The following SLC9A2 variants were observed in gnomAD, a reference collection of about 807,000 sequenced individuals.
SLC9A2 encodes the protein solute carrier family 9 member A2.
In SLC9A2, 42 loss-of-function variants were observed where a neutral mutation model predicts 71.7. The observed-to-expected ratio is 0.59, with a 90% CI of 0.46 to 0.76. The LOEUF (loss-of-function observed/expected upper bound fraction) is 0.76. Ranked by LOEUF, SLC9A2 falls within the 30% of genes least tolerant of loss-of-function variation. SLC9A2 has a pLI of 0.00. For missense variants in SLC9A2, 829 were observed against 1,017.4 expected (o/e 0.81, Z 2.52); for synonymous variants, 396 against 392.5 (o/e 1.01, Z -0.10).
chr2:102,670,444 G>T (rs950456452), intron 3 of SLC9A2, among the ~76,000 whole-genome samples: 2 of 151,914 alleles, frequency 1.3e-5, no homozygotes, highest in East Asian at 3.8e-4. Flanking sequence ...AAAGAAAGTA[G>T]AAAATGGTGA....
intron 2 of SLC9A2, among the ~76,000 whole-genome samples, chr2:102,660,391 C>T (rs1677026588): frequency 6.6e-6 from 1 of 152,168 alleles, no homozygotes; most frequent in Non-Finnish European, 1.5e-5. Context: ...ACTTACTTGC[C>T]CTGGCTGAGA....
At chr2:102,670,599 C>CAA (rs66543071) in intron 3 of SLC9A2, among the ~76,000 whole-genome samples, 179 of 79,852 alleles carry the variant, frequency 2.2e-3, no homozygotes, top group African/African-American at 4.9e-3. Context: ...CTCCCCCCAC[C>CAA]AAAAAAAAAA....
At chr2:102,700,250 G>T (rs1272450562) in intron 7 of SLC9A2, among the ~76,000 whole-genome samples, 1 of 152,176 alleles carries the variant, frequency 6.6e-6, no homozygotes. Context: ...TCATATCTGG[G>T]GTTTGGCCGA....
Position 102,665,351 on chromosome 2 carries a change from G to T in SLC9A2, c.1004+1G>T. ...TGTTTCACCTCTCAGGCATCATGGC[G>T]TAAGTACTTCTTTGTTAAAAGTGCT... On this transcript the variant is annotated splice_donor_variant, in intron 3 of 11. Coordinates refer to ENST00000233969, the MANE Select transcript of SLC9A2 (RefSeq NM_003048.6). LOFTEE classifies it high-confidence loss of function. 1 of 1,608,518 alleles carries T rather than the reference G, an allele frequency of 6.2e-7. No individual in the cohort carries two copies. Among genetic ancestry groups the T allele is most frequent in the Non-Finnish European group, 8.5e-7 (1 of 1,175,688 alleles).
At chr2:102,641,102 G>A (rs1460187501) in intron 1 of SLC9A2, among the ~76,000 whole-genome samples, 1 of 152,104 alleles carries the variant, frequency 6.6e-6, no homozygotes, top group Non-Finnish European at 1.5e-5. Flanking sequence ...TAATAGGAGC[G>A]TCACAGTGAA....
At chr2:102,657,443 A>G in intron 1 of SLC9A2, 121 bp from the exon 2 acceptor site, 1 of 645,860 alleles carries the variant, frequency 1.5e-6, no homozygotes, top group South Asian at 2.0e-5. Context: ...TTGTAAAGAC[A>G]GTGATACTGA....
At chr2:102,705,140 A>T (rs1414526652) in intron 10 of SLC9A2, among the ~76,000 whole-genome samples, 7 of 152,056 alleles carry the variant, frequency 4.6e-5, no homozygotes, top group Non-Finnish European at 8.8e-5. Context: ...TGGGAGGTGG[A>T]GATTGCAGTG....
rs116406674 is a variant in SLC9A2, at chr2:102,619,621, C to G, written c.-228C>G. On this transcript the variant is annotated 5_prime_UTR_variant, in exon 1 of 12. Transcript: ENST00000233969. The surrounding 1 kb of genome is among the most constrained non-coding windows in gnomAD (Gnocchi z 4.3). ...GCGGCTGAGGGCTGCTGAGGGTACGCGCAGCGGCCTCTCGTCGCCCTGCAC... is the reference window on the plus strand; with the variant it reads ...GCGGCTGAGGGCTGCTGAGGGTACGGGCAGCGGCCTCTCGTCGCCCTGCAC... 0.05 allele frequency: 20,622 copies of G among 410,434 alleles called. 695 individuals are homozygous for G. Among genetic ancestry groups the G allele is most frequent in the African/African-American group, 0.11 (5,475 of 48,260 alleles). 25.4% of individuals were successfully genotyped at this position (410,434 alleles called of 1,614,324 possible).
In SLC9A2 at chr2:102,665,172, G is replaced by T. The variant is rs780009913; in HGVS notation, c.826G>T (p.Ala276Ser). Reference protein sequence around the residue: ...IETIDVFAGIANFFVVGIGGV... With the variant: ...IETIDVFAGISNFFVVGIGGV... ...GACCATTGATGTGTTTGCAGGAATC[G>T]CCAACTTCTTTGTTGTGGGAATCGG... The change falls in exon 3 of 12, where the codon GCC becomes TCC. Residue 276 changes from alanine to serine, a missense_variant. By Grantham distance (99) the Ala-to-Ser change is moderately conservative. This residue lies in a region of SLC9A2 where 500 missense variants were observed against 726.3 expected (regional missense o/e 0.69). Transcript: ENST00000233969. The T allele has an allele frequency of 6.2e-7, 1 of 1,613,954 alleles. No individual in the cohort carries two copies. The highest frequency in any genetic ancestry group is 8.5e-7 in the Non-Finnish European group (1 of 1,179,994).
chr2:102,655,585 C>G (rs1171619383), intron 1 of SLC9A2, among the ~76,000 whole-genome samples: 2 of 152,206 alleles, frequency 1.3e-5, no homozygotes, highest in African/African-American at 2.4e-5. Context: ...AAAGGTGTCA[C>G]TAGGCAACAG....
At position 102,688,512 on chromosome 2, in the gene SLC9A2, G is replaced by A. The variant is rs191132559; in HGVS notation, c.1425+4176G>A. On this transcript the variant is annotated intron_variant, in intron 5 of 11. Transcript: ENST00000233969. ...TGGGAGGCCAAGGCGGGTGGATCAC[G>A]AGGTCAGGAGATCAAGACCATTCTG... Among the ~76,000 whole-genome samples, 291 of 152,286 alleles carry A rather than the reference G, an allele frequency of 1.9e-3. 1 individual carries two copies. The highest frequency in any genetic ancestry group is 0.014 in the East Asian group (70 of 5,164).
chr2:102,678,486 A>G (rs1488992664), intron 3 of SLC9A2, among the ~76,000 whole-genome samples: 1 of 152,226 alleles, frequency 6.6e-6, no homozygotes, highest in Non-Finnish European at 1.5e-5. Context: ...AGAATTTTCT[A>G]TAATATAAAG....
chr2:102,643,340 A>T (rs1252551643), intron 1 of SLC9A2, among the ~76,000 whole-genome samples: 4 of 152,152 alleles, frequency 2.6e-5, no homozygotes, highest in Non-Finnish European at 5.9e-5. Flanking sequence ...TGGAATCTAA[A>T]CAGCCCATTC....
intron 3 of SLC9A2, among the ~76,000 whole-genome samples, chr2:102,667,416 G>T (rs1306906372): frequency 6.6e-6 from 1 of 152,160 alleles, no homozygotes; most frequent in Non-Finnish European, 1.5e-5. Context: ...CCACAAAGGA[G>T]CTATGCAAAT....
intron 1 of SLC9A2, among the ~76,000 whole-genome samples, 196 bp downstream of exon 1, chr2:102,620,333 A>G (rs1273983882): frequency 6.6e-6 from 1 of 152,200 alleles, no homozygotes; most frequent in Non-Finnish European, 1.5e-5. Context: ...TCTTAAGGGA[A>G]CATTGGCCTT....
intron 3 of SLC9A2, among the ~76,000 whole-genome samples, chr2:102,676,240 A>G (rs1558716753): frequency 6.6e-6 from 1 of 152,118 alleles, no homozygotes; most frequent in Admixed American, 6.5e-5. Context: ...CCTTCATTCC[A>G]TCATCAAAGT....
intron 11 of SLC9A2, among the ~76,000 whole-genome samples, chr2:102,707,234 G>GTACC (rs2104558903): frequency 6.6e-6 from 1 of 150,736 alleles, no homozygotes; most frequent in South Asian, 2.1e-4. Flanking sequence ...ATCTGCACAT[G>GTACC]TACCCCTAGA....
Position 102,619,575 on chromosome 2 carries a change from G to T in SLC9A2, c.-274G>T. The T allele has an allele frequency of 3.5e-6, 1 of 289,662 alleles. No homozygotes were observed. Among genetic ancestry groups the T allele is most frequent in the Non-Finnish European group, 6.3e-6 (1 of 157,834 alleles). 17.9% of individuals were successfully genotyped at this position (289,662 alleles called of 1,614,324 possible). ...GCTGGAGAGCAGCGCACCGGCATGG[G>T]CAGGCGGCCGGCGGCGGAGGGCGGC... On this transcript the variant is annotated 5_prime_UTR_variant, in exon 1 of 12. Transcript: ENST00000233969. The surrounding 1 kb of genome is among the most constrained non-coding windows in gnomAD (Gnocchi z 4.3).
In SLC9A2 at chr2:102,711,310, C is replaced by G. The variant is rs1029873210; in HGVS notation, c.*2821C>G. 1 of 152,338 alleles carries G rather than the reference C, an allele frequency of 6.6e-6. No homozygotes were observed. The highest frequency in any genetic ancestry group is 1.5e-5 in the Non-Finnish European group (1 of 68,036). 9.4% of individuals were successfully genotyped at this position (152,338 alleles called of 1,614,324 possible). On this transcript the variant is annotated 3_prime_UTR_variant, in exon 12 of 12. Coordinates refer to ENST00000233969, the MANE Select transcript of SLC9A2 (RefSeq NM_003048.6). ...AACGTGATTAAAGAGATCACTTTGT[C>G]CGGATGAAGCAGCTGTTGGCATTAT...
Sources: allele counts gnomAD v4.1 joint callset (sites outside exome capture counted in the v4.1 genomes callset), GRCh38; gene constraint gnomAD v4.1.1; regional missense constraint gnomAD v4.1.1; non-coding constraint Gnocchi (gnomAD v3.1); transcripts MANE v1.5; gene names NCBI Gene and HGNC (gene_info 2026-07-23, HGNC 2026-07-21).